STON2: variants seen among roughly 807,000 people sequenced by gnomAD.
STON2 encodes stonin 2.
A neutral mutation model predicts 65.7 loss-of-function variants in STON2; 29 were observed. The ratio of observed to expected loss-of-function variants is 0.44; its 90% CI spans 0.33 to 0.60. STON2 has a LOEUF of 0.60. Among genes scored for constraint, STON2 ranks in the 20% least tolerant of loss-of-function variants. The probability of loss-of-function intolerance (pLI) is 0.03; values close to 1 mark genes in which losing one functional copy is unlikely to be tolerated. For missense variants in STON2, 1,054 were observed against 1,118.1 expected, an observed-to-expected ratio of 0.94 and a Z score of 0.82; for synonymous variants, 404 against 414.2, an observed-to-expected ratio of 0.98 and a Z score of 0.30.
At chr14:81,374,119 T>C (rs1899138309) in intron 3 of STON2, among the ~76,000 whole-genome samples, 1 of 147,928 alleles carries the variant, frequency 6.8e-6, no homozygotes, top group African/African-American at 2.5e-5. Flanking sequence ...CAAGTGATTC[T>C]CATGCTTTAG....
rs544754550 is a variant in STON2, at chr14:81,345,292, GA to G, written c.572-21106del. ...TGTATCATACAGAGGTATTTAAGAT[GA>G]AATGAAGTCATTGCAGTGGGCCCTA... On this transcript the variant is annotated intron_variant, in intron 4 of 7. Transcript: ENST00000614646. 3.2e-3 allele frequency among the ~76,000 whole-genome samples: 488 copies of G among 152,278 alleles called. 4 individuals are homozygous for G. The highest frequency in any genetic ancestry group is 0.011 in the African/African-American group (475 of 41,556).
At chr14:81,306,927 A>T (rs1010816076) in intron 5 of STON2, among the ~76,000 whole-genome samples, 1 of 152,252 alleles carries the variant, frequency 6.6e-6, no homozygotes, top group Non-Finnish European at 1.5e-5. Flanking sequence ...TATAGCAACA[A>T]GCACTGATTA....
chr14:81,337,562 C>A (rs1236735153), intron 4 of STON2, among the ~76,000 whole-genome samples: 2 of 152,050 alleles, frequency 1.3e-5, no homozygotes, highest in Non-Finnish European at 2.9e-5. Flanking sequence ...TGGGGAAGGC[C>A]TGTATGAGGA....
chr14:81,348,174 G>C (rs1436296865), intron 4 of STON2, among the ~76,000 whole-genome samples: 2 of 151,936 alleles, frequency 1.3e-5, no homozygotes, highest in Admixed American at 6.6e-5. Flanking sequence ...ATGAAGAAAA[G>C]CAGAAAGCCT....
Position 81,266,330 on chromosome 14 carries a change from C to A in STON2, c.*2084G>T, listed in dbSNP as rs575537523. 4.7e-4 allele frequency among the ~76,000 whole-genome samples: 71 copies of A among 152,300 alleles called. No individual in the cohort carries two copies. The highest frequency in any genetic ancestry group is 1.9e-3 in the South Asian group (9 of 4,822). On this transcript the variant is annotated 3_prime_UTR_variant, in exon 8 of 8. Transcript: ENST00000614646. ...CTTATATTGAAGCAAACATTTGTCA[C>A]CTGTAAAGTTCCTCTTTGTTCTTAT...
intron 5 of STON2, among the ~76,000 whole-genome samples, chr14:81,283,506 T>C (rs1304445378): frequency 1.3e-5 from 2 of 151,658 alleles, no homozygotes; most frequent in East Asian, 1.9e-4. Flanking sequence ...CTCGTCTTTT[T>C]GTACTGCACT....
chr14:81,325,010 T>G (rs2140250914), intron 4 of STON2, among the ~76,000 whole-genome samples: 1 of 152,244 alleles, frequency 6.6e-6, no homozygotes, highest in Middle Eastern at 3.4e-3. Context: ...ACCCAGAGGT[T>G]AGGGAACTTG....
chr14:81,354,555 A>C (rs545434967), intron 4 of STON2, among the ~76,000 whole-genome samples: 3 of 152,358 alleles, frequency 2.0e-5, no homozygotes, highest in South Asian at 4.1e-4. Flanking sequence ...TGACAGACAA[A>C]AAAATTCAGA....
intron 2 of STON2, among the ~76,000 whole-genome samples, chr14:81,411,433 G>C (rs1422054792): frequency 6.6e-6 from 1 of 152,216 alleles, no homozygotes; most frequent in Admixed American, 6.5e-5. Context: ...AGGGCTGGGC[G>C]CACTGGCTCA....
intron 5 of STON2, among the ~76,000 whole-genome samples, chr14:81,312,463 G>A (rs1896462681): frequency 1.3e-5 from 2 of 152,202 alleles, no homozygotes; most frequent in South Asian, 4.1e-4. Context: ...GCTTTCTACT[G>A]AAACTTAATT....
chr14:81,370,522 T>C (rs12435764), intron 4 of STON2, among the ~76,000 whole-genome samples: 3 of 152,024 alleles, frequency 2.0e-5, no homozygotes, highest in Admixed American at 6.6e-5. Flanking sequence ...GCCAAATGAT[T>C]TGTAGTCTGG....
chr14:81,336,371 T>C (rs1897371823), intron 4 of STON2, among the ~76,000 whole-genome samples: 2 of 152,004 alleles, frequency 1.3e-5, no homozygotes, highest in African/African-American at 4.8e-5. Flanking sequence ...CCCCAGGTCT[T>C]ATGGCTGCTA....
intron 4 of STON2, among the ~76,000 whole-genome samples, chr14:81,341,772 C>T (rs975331298): frequency 6.6e-6 from 1 of 152,172 alleles, no homozygotes; most frequent in African/African-American, 2.4e-5. Flanking sequence ...AGAAAGCTTT[C>T]AACAAATGTC....
intron 5 of STON2, among the ~76,000 whole-genome samples, chr14:81,285,372 G>T (rs1288924526): frequency 6.6e-6 from 1 of 152,216 alleles, no homozygotes; most frequent in Non-Finnish European, 1.5e-5. Context: ...AGGAGTTCAA[G>T]ACTTCAGTGG....
intron 5 of STON2, among the ~76,000 whole-genome samples, chr14:81,319,185 G>A (rs987658971): frequency 3.9e-5 from 6 of 152,180 alleles, no homozygotes; most frequent in Admixed American, 6.5e-5. Context: ...CAGATTTTGT[G>A]GTTGTTTGTA....
At chr14:81,338,967 A>G (rs945948633) in intron 4 of STON2, among the ~76,000 whole-genome samples, 6 of 152,226 alleles carry the variant, frequency 3.9e-5, no homozygotes, top group African/African-American at 1.4e-4. Context: ...AAGAAACGCC[A>G]TAAACCAAGA....
chr14:81,371,291 A>C, intron 3 of STON2, 106 bp from the exon 4 acceptor site: 3 of 1,057,276 alleles, frequency 2.8e-6, no homozygotes, highest in Non-Finnish European at 2.8e-6. Context: ...TGAAATCTCA[A>C]CAGTCATATG....
intron 4 of STON2, among the ~76,000 whole-genome samples, chr14:81,368,592 T>C (rs1363296980): frequency 1.3e-5 from 2 of 152,126 alleles, no homozygotes; most frequent in African/African-American, 4.8e-5. Context: ...CACACACCTG[T>C]AATCCCAGCT....
chr14:81,335,686 T>C (rs113349795), intron 4 of STON2, among the ~76,000 whole-genome samples: 265 of 152,310 alleles, frequency 1.7e-3, no homozygotes, highest in Non-Finnish European at 3.1e-3. Context: ...ATAAGTTTCA[T>C]AAATAATACT....
Sources: allele counts gnomAD v4.1 joint callset (sites outside exome capture counted in the v4.1 genomes callset), GRCh38; gene constraint gnomAD v4.1.1; transcripts MANE v1.5; gene names NCBI Gene and HGNC (gene_info 2026-07-23, HGNC 2026-07-21).